Variants in DAZL observed in about 807,000 individuals in gnomAD.
DAZL encodes the protein deleted in azoospermia like.
Under a neutral mutation model 45.0 loss-of-function variants are expected in DAZL, and 4 were observed. The ratio of observed to expected loss-of-function variants is 0.09; its 90% CI spans 0.04 to 0.20. DAZL has a LOEUF of 0.20. Ranked by LOEUF, DAZL falls within the 10% of genes least tolerant of loss-of-function variation. The probability of loss-of-function intolerance (pLI) is 1.00; values close to 1 mark genes in which losing one functional copy is unlikely to be tolerated. For synonymous variants in DAZL, 122 were observed against 112.4 expected, an observed-to-expected ratio of 1.09 and a Z score of -0.54; for missense variants, 326 against 351.3, an observed-to-expected ratio of 0.93 and a Z score of 0.58.
intron 1 of DAZL, chr3:16,604,771 G>T (rs941552934): frequency 1.5e-6 from 2 of 1,362,734 alleles, no homozygotes; most frequent in Non-Finnish European, 1.9e-6. Flanking sequence ...GAGGCTGGCG[G>T]GGCGGAGGCG....
At chr3:16,594,046 T>G (rs919434907) in intron 8 of DAZL, among the ~76,000 whole-genome samples, 1 of 152,222 alleles carries the variant, frequency 6.6e-6, no homozygotes, top group Non-Finnish European at 1.5e-5. Flanking sequence ...TAACACTTAT[T>G]ATATCCTTCA....
At chr3:16,600,461 A>G (rs1694672867) in intron 1 of DAZL, among the ~76,000 whole-genome samples, 1 of 152,180 alleles carries the variant, frequency 6.6e-6, no homozygotes, top group Non-Finnish European at 1.5e-5. Context: ...GTGGTATTTC[A>G]TGACAATGAT....
chr3:16,601,045 T>C (rs902524745), intron 1 of DAZL, among the ~76,000 whole-genome samples: 6 of 152,168 alleles, frequency 3.9e-5, no homozygotes, highest in Non-Finnish European at 8.8e-5. Flanking sequence ...AAAATTTGAA[T>C]AGGGTGTGGT....
intron 1 of DAZL, chr3:16,604,341 T>C (rs1198904750): frequency 2.7e-6 from 3 of 1,119,078 alleles, no homozygotes; most frequent in African/African-American, 3.1e-5. Flanking sequence ...ATCTACCAAA[T>C]GGACATTTTG....
intron 10 of DAZL, among the ~76,000 whole-genome samples, 183 bp from the exon 11 acceptor site, chr3:16,588,896 C>T (rs1177656784): frequency 6.6e-6 from 1 of 151,746 alleles, no homozygotes; most frequent in Non-Finnish European, 1.5e-5. Context: ...ACCAGGATGG[C>T]TAGTTTTATT....
chr3:16,595,510 A>G (rs1442366527), intron 6 of DAZL, 125 bp from the exon 7 acceptor site: 1 of 568,008 alleles, frequency 1.8e-6, no homozygotes, highest in Non-Finnish European at 3.1e-6. Flanking sequence ...ACAATGCAGA[A>G]TTCTAAATGC....
chr3:16,597,943 A>G (rs1694625356), intron 3 of DAZL, 144 bp downstream of exon 3: 2 of 854,426 alleles, frequency 2.3e-6, no homozygotes, highest in South Asian at 3.6e-5. Context: ...TGATTAAAAG[A>G]GCTGGCAATA....
At chr3:16,595,501 CA>C in intron 6 of DAZL, 116 bp from the exon 7 acceptor site, 2 of 605,536 alleles carry the variant, frequency 3.3e-6, no homozygotes, top group South Asian at 5.2e-5. Flanking sequence ...CTATATACAA[CA>C]ATGCAGAATT....
Position 16,588,493 on chromosome 3 carries a change from A to T in DAZL, c.*167T>A. On this transcript the variant is annotated 3_prime_UTR_variant, in exon 11 of 11. Coordinates refer to ENST00000399444, the MANE Select transcript of DAZL (RefSeq NM_001351.4). ...ACACAGAACCAGTTTCTAAATAAACATCTAATGAAGAACAGTTTAAGATAA... is the reference window on the plus strand; with the variant it reads ...ACACAGAACCAGTTTCTAAATAAACTTCTAATGAAGAACAGTTTAAGATAA... The T allele has an allele frequency of 5.0e-6, 3 of 600,482 alleles. No homozygotes were observed. Among genetic ancestry groups the T allele is most frequent in the Non-Finnish European group, 9.3e-6 (3 of 323,462 alleles). 37.2% of individuals were successfully genotyped at this position (600,482 alleles called of 1,614,324 possible).
Position 16,588,537 on chromosome 3 carries a change from T to C in DAZL, c.*123A>G. 1.3e-6 allele frequency: 1 copy of C among 784,124 alleles called. No homozygotes were observed. The highest frequency in any genetic ancestry group is 2.3e-6 in the Non-Finnish European group (1 of 433,916). 48.6% of individuals were successfully genotyped at this position (784,124 alleles called of 1,614,324 possible). ...AAGATAAAACTAGAGAGTCTAATAA[T>C]ACAACTTATACACAAAGTTTGAGTG... On this transcript the variant is annotated 3_prime_UTR_variant, in exon 11 of 11. Coordinates refer to ENST00000399444, the MANE Select transcript of DAZL (RefSeq NM_001351.4).
chr3:16,588,917 G>A lies in DAZL; in HGVS notation c.835-204C>T, dbSNP rs1279372766. Among the ~76,000 whole-genome samples, 4 of 151,868 alleles carry A rather than the reference G, an allele frequency of 2.6e-5. No individual in the cohort carries two copies. The South Asian group carries it at 8.3e-4, about 31-fold the overall frequency. On this transcript the variant is annotated intron_variant, in intron 10 of 10. Transcript: ENST00000399444. Reference sequence around the variant, plus strand: ...ATGGCTAGTTTTATTAAACAGTTTAGTTAAAAAAGAAATCAATTAAAAAAA... The same window carrying A: ...ATGGCTAGTTTTATTAAACAGTTTAATTAAAAAAGAAATCAATTAAAAAAA...
At chr3:16,592,230 A>G in intron 9 of DAZL, 82 bp from the exon 10 acceptor site, 2 of 1,548,156 alleles carry the variant, frequency 1.3e-6, no homozygotes, top group Non-Finnish European at 1.8e-6. Context: ...TAGTTTAATG[A>G]ATATATTACT....
At position 16,597,048 on chromosome 3, in the gene DAZL, G is replaced by C. The variant is rs1694611269; in HGVS notation, c.298C>G (p.Gln100Glu). The stretch of plus-strand genomic sequence containing the variant: ...AGCTTTTTACCATGGAAATTTATCT[G>C]TGACTGAAAATAAAACAGTAACAAA... ...DVDVQKIVES[Q>E]INFHGKKLKL... The change falls in exon 5 of 11, where the codon CAG (glutamine) becomes GAG (glutamate). Residue 100 changes from glutamine to glutamate, a missense_variant. Around this residue, in one of 3 missense-constraint regions of DAZL, gnomAD observed 18 missense variants for 45.0 expected, o/e 0.40. Coordinates refer to ENST00000399444, the MANE Select transcript of DAZL (RefSeq NM_001351.4). 1 of 1,611,302 alleles carries C rather than the reference G, an allele frequency of 6.2e-7. No individual in the cohort carries two copies. The highest frequency in any genetic ancestry group is 1.3e-5 in the African/African-American group (1 of 74,912).
intron 1 of DAZL, chr3:16,604,914 TG>T: frequency 1.5e-6 from 1 of 678,926 alleles, no homozygotes; most frequent in Non-Finnish European, 2.4e-6. Flanking sequence ...GGGAAATGGG[TG>T]CCTCAAGAAG....
chr3:16,588,449 T>C lies in DAZL; in HGVS notation c.*211A>G, dbSNP rs1270482358. 1 of 398,966 alleles carries C rather than the reference T, an allele frequency of 2.5e-6. No homozygotes were observed. The highest frequency in any genetic ancestry group is 4.7e-6 in the Non-Finnish European group (1 of 213,274). 24.7% of individuals were successfully genotyped at this position (398,966 alleles called of 1,614,324 possible). ...TTTCTTTCAGTCTCAATTATTTTTT[T>C]ACTTTCAACTATATTTCAACACAGA... On this transcript the variant is annotated 3_prime_UTR_variant, in exon 11 of 11. Coordinates refer to ENST00000399444, the MANE Select transcript of DAZL (RefSeq NM_001351.4).
chr3:16,596,105 G>C (rs1241113789), intron 6 of DAZL, among the ~76,000 whole-genome samples: 1 of 151,828 alleles, frequency 6.6e-6, no homozygotes, highest in East Asian at 1.9e-4. Context: ...AGACACTGAA[G>C]AACTATTTCA....
At position 16,595,335 on chromosome 3, in the gene DAZL, C is replaced by T; in HGVS notation, c.549G>A (p.Gln183=). The change falls in exon 7 of 11, where the codon CAG becomes CAA. Residue 183 remains glutamine (Q), a synonymous_variant. Transcript: ENST00000399444. ...NSPVQVITGY[Q]LPVYNYQMPP... The stretch of plus-strand genomic sequence containing the variant: ...TTACCTGATAATTATATACAGGCAA[C>T]TGATATCCAGTGATGACCTGAACTG... 2 of 1,568,046 alleles carry T rather than the reference C, an allele frequency of 1.3e-6. No homozygotes were observed. The highest frequency in any genetic ancestry group is 1.7e-6 in the Non-Finnish European group (2 of 1,152,814).
At chr3:16,604,482 G>A in intron 1 of DAZL, 1 of 1,525,928 alleles carries the variant, frequency 6.6e-7, no homozygotes, top group Non-Finnish European at 8.8e-7. Context: ...TTCTGTCGCC[G>A]CCACACGAGG....
rs1694446480 is a variant in DAZL at position 16,586,921 on chromosome 3, T to G, written c.*1739A>C. 1 of 152,198 alleles carries G rather than the reference T, an allele frequency of 6.6e-6. No homozygotes were observed. The highest frequency in any genetic ancestry group is 2.4e-5 in the African/African-American group (1 of 41,468). The allele number at this position is 152,198 out of a possible 1,614,324, so 9.4% of individuals were successfully genotyped here. ...TTCAGGACTTTATCTTTTTTACCCT[T>G]ACTCTTTTAAATGCTTCACTCCAAC... On this transcript the variant is annotated 3_prime_UTR_variant, in exon 11 of 11. Coordinates refer to ENST00000399444, the MANE Select transcript of DAZL (RefSeq NM_001351.4).
Sources: gnomAD v4.1 joint callset for allele counts (sites outside exome capture counted in the v4.1 genomes callset) on GRCh38, gnomAD v4.1.1 for gene constraint, gnomAD v4.1.1 regional missense constraint, MANE v1.5 for transcripts, NCBI Gene and HGNC (gene_info 2026-07-23, HGNC 2026-07-21) for gene names.